The following TNFSF4 variants were observed in gnomAD, a reference collection of about 807,000 sequenced individuals.
The protein encoded by TNFSF4 is TNF superfamily member 4, also known as tumor necrosis factor ligand superfamily member 4.
Under a neutral mutation model 7.3 loss-of-function variants are expected in TNFSF4, and 4 were observed. The observed-to-expected ratio is 0.55, with a 90% CI of 0.27 to 1.25. The LOEUF (loss-of-function observed/expected upper bound fraction) is 1.25. Among genes scored for constraint, TNFSF4 ranks in the 50% most tolerant of loss-of-function variants. The probability of loss-of-function intolerance (pLI) is 0.12; values close to 1 mark genes in which losing one functional copy is unlikely to be tolerated. For missense variants in TNFSF4, 181 were observed against 208.8 expected, an observed-to-expected ratio of 0.87 and a Z score of 0.82; for synonymous variants, 76 against 83.7, an observed-to-expected ratio of 0.91 and a Z score of 0.50.
the TNFSF4 span, among the ~76,000 whole-genome samples, chr1:173,400,803 TG>T: frequency 6.6e-6 from 1 of 152,232 alleles, no homozygotes; most frequent in Non-Finnish European, 1.5e-5. Flanking sequence ...GAACTACTAA[TG>T]GCCCAGATGC....
At chr1:173,283,762 T>C in the TNFSF4 span, among the ~76,000 whole-genome samples, 1 of 151,964 alleles carries the variant, frequency 6.6e-6, no homozygotes, top group Non-Finnish European at 1.5e-5. Context: ...GGTAAACATA[T>C]AGGTAAATCT....
chr1:173,419,239 G>T, the TNFSF4 span, among the ~76,000 whole-genome samples: 2 of 152,022 alleles, frequency 1.3e-5, no homozygotes, highest in East Asian at 3.9e-4. Context: ...CTACTTGGGA[G>T]GCTGAGGCAG....
chr1:173,220,103 G>T, the TNFSF4 span, among the ~76,000 whole-genome samples: 1 of 151,844 alleles, frequency 6.6e-6, no homozygotes, highest in Non-Finnish European at 1.5e-5. Context: ...CAAAACAAAG[G>T]GATTTTATTC....
At chr1:173,241,343 C>A in the TNFSF4 span, among the ~76,000 whole-genome samples, 1 of 152,166 alleles carries the variant, frequency 6.6e-6, no homozygotes. Context: ...AATCCTGTGA[C>A]CCCCCTGATC....
chr1:173,234,672 T>A, the TNFSF4 span, among the ~76,000 whole-genome samples: 2 of 152,182 alleles, frequency 1.3e-5, no homozygotes, highest in Non-Finnish European at 2.9e-5. Flanking sequence ...GAAACCATCA[T>A]TCTCAGGAAA....
At chr1:173,397,546 T>A in the TNFSF4 span, among the ~76,000 whole-genome samples, 1 of 152,162 alleles carries the variant, frequency 6.6e-6, no homozygotes, top group African/African-American at 2.4e-5. Context: ...GCTCAGTTCA[T>A]CTCATAGTGG....
chr1:173,205,842 G>T (rs936345140), intron 1 of TNFSF4: 49 of 155,048 alleles, frequency 3.2e-4, no homozygotes, highest in Non-Finnish European at 4.9e-4. Context: ...GTGTGATGAG[G>T]AGAGGATCAA....
chr1:173,413,773 CTT>C, the TNFSF4 span, among the ~76,000 whole-genome samples: 1 of 152,212 alleles, frequency 6.6e-6, no homozygotes, highest in Non-Finnish European at 1.5e-5. Context: ...AGTCTATATC[CTT>C]TCAATAGTTC....
the TNFSF4 span, among the ~76,000 whole-genome samples, chr1:173,305,213 A>G: frequency 6.6e-6 from 1 of 151,972 alleles, no homozygotes; most frequent in Admixed American, 6.6e-5. Flanking sequence ...ACAATTTGCA[A>G]AAACAGTCAC....
the TNFSF4 span, among the ~76,000 whole-genome samples, chr1:173,422,963 T>C: frequency 5.7e-5 from 7 of 121,782 alleles, no homozygotes; most frequent in South Asian, 3.3e-4. Flanking sequence ...TACATACATA[T>C]ATATATGTAC....
At chr1:173,298,032 G>A in the TNFSF4 span, among the ~76,000 whole-genome samples, 1 of 151,976 alleles carries the variant, frequency 6.6e-6, no homozygotes, top group African/African-American at 2.4e-5. Flanking sequence ...ACTCTACCCT[G>A]ACCTGAAGGC....
the TNFSF4 span, among the ~76,000 whole-genome samples, chr1:173,290,198 A>G: frequency 6.6e-6 from 1 of 152,194 alleles, no homozygotes; most frequent in Admixed American, 6.5e-5. Flanking sequence ...TCTACATAAC[A>G]ACCATCTAAC....
chr1:173,351,789 GT>G, the TNFSF4 span: 1 of 600,300 alleles, frequency 1.7e-6, no homozygotes, highest in Non-Finnish European at 3.1e-6. Flanking sequence ...AGTAGTCCAG[GT>G]TTACAGGAAG....
the TNFSF4 span, among the ~76,000 whole-genome samples, chr1:173,444,983 T>C: frequency 6.6e-6 from 1 of 152,218 alleles, no homozygotes; most frequent in African/African-American, 2.4e-5. Flanking sequence ...TAAAAATACC[T>C]GAAGTGACAG....
the TNFSF4 span, among the ~76,000 whole-genome samples, chr1:173,307,256 T>C: frequency 1.3e-5 from 2 of 151,986 alleles, no homozygotes; most frequent in Non-Finnish European, 2.9e-5. Flanking sequence ...TTAAGTTATA[T>C]ACTATTGATA....
At chr1:173,242,674 A>T in the TNFSF4 span, among the ~76,000 whole-genome samples, 1 of 152,104 alleles carries the variant, frequency 6.6e-6, no homozygotes, top group African/African-American at 2.4e-5. Context: ...TTCCAGAAGT[A>T]GATGTGACAA....
the TNFSF4 span, among the ~76,000 whole-genome samples, chr1:173,339,166 C>T: frequency 6.6e-6 from 1 of 152,144 alleles, no homozygotes; most frequent in Middle Eastern, 3.4e-3. Flanking sequence ...ATCACTTGAG[C>T]CCAAGAGTTT....
At chr1:173,348,000 C>G in the TNFSF4 span, among the ~76,000 whole-genome samples, 2 of 152,120 alleles carry the variant, frequency 1.3e-5, no homozygotes, top group Non-Finnish European at 2.9e-5. Context: ...TAAGGTGTAA[C>G]TTGGGAGTGA....
the TNFSF4 span, among the ~76,000 whole-genome samples, chr1:173,298,869 T>C: frequency 6.6e-6 from 1 of 151,924 alleles, no homozygotes; most frequent in Non-Finnish European, 1.5e-5. Flanking sequence ...GTTTCAGAGT[T>C]CTTTTAAGCA....
Sources: gnomAD v4.1 joint callset for allele counts (sites outside exome capture counted in the v4.1 genomes callset) on GRCh38, gnomAD v4.1.1 for gene constraint, MANE v1.5 for transcripts, NCBI Gene and HGNC (gene_info 2026-07-23, HGNC 2026-07-21) for gene names.